The following SPAG17 variants were observed in gnomAD, a reference collection of about 807,000 sequenced individuals.
SPAG17 encodes sperm-associated antigen 17.
In SPAG17, 169 loss-of-function variants were observed where a neutral mutation model predicts 273.6. That is an observed-to-expected ratio of 0.62 (90% CI 0.55 to 0.70). SPAG17 has a LOEUF of 0.70. Among genes scored for constraint, SPAG17 ranks in the 30% least tolerant of loss-of-function variants. The pLI is 0.00. For synonymous variants in SPAG17, 825 were observed against 873.2 expected, an observed-to-expected ratio of 0.94 and a Z score of 0.97; for missense variants, 2,557 against 2,627.8, an observed-to-expected ratio of 0.97 and a Z score of 0.59.
chr1:118,029,307 T>A (rs748235436), intron 25 of SPAG17, among the ~76,000 whole-genome samples: 3 of 152,202 alleles, frequency 2.0e-5, no homozygotes, highest in African/African-American at 4.8e-5. Context: ...TATCTTGATA[T>A]TGGACTTCAC....
chr1:118,081,629 C>T lies in SPAG17; in HGVS notation c.1776G>A (p.Trp592Ter), dbSNP rs748339025. ...CCTTGAAGGCTCGTTCTACTTCATT[C>T]CAGCTCAAGACATCTGTAAGAAAGC... ...MHFCTSDVLSWNEVERAFKVF... is the reference protein window; with the variant it reads ...MHFCTSDVLS Residue 592 changes from tryptophan (W) to a stop codon, truncating the protein, a stop_gained, in exon 14 of 49, where the codon TGG (tryptophan) becomes TGA (stop). Coordinates refer to ENST00000336338, the MANE Select transcript of SPAG17 (RefSeq NM_206996.4). LOFTEE classifies it high-confidence loss of function. The T allele has an allele frequency of 1.1e-5, 18 of 1,613,746 alleles. No individual in the cohort carries two copies. Among genetic ancestry groups the T allele is most frequent in the Admixed American group, 1.7e-5 (1 of 60,004 alleles).
chr1:118,164,055 C>T (rs544330356), intron 1 of SPAG17, among the ~76,000 whole-genome samples: 1 of 152,280 alleles, frequency 6.6e-6, no homozygotes, highest in South Asian at 2.1e-4. Flanking sequence ...CCTTCTCTGA[C>T]CATCAGGCTC....
At chr1:118,146,888 A>G (rs1659027862) in intron 3 of SPAG17, among the ~76,000 whole-genome samples, 1 of 152,178 alleles carries the variant, frequency 6.6e-6, no homozygotes, top group Admixed American at 6.6e-5. Context: ...TAATATATGT[A>G]AAAGATCAAA....
chr1:117,971,709 ATGAG>A (rs1654583753), intron 45 of SPAG17, 150 bp downstream of exon 45: 3 of 533,678 alleles, frequency 5.6e-6, no homozygotes, highest in South Asian at 4.3e-5. Context: ...GAATGAATGA[ATGAG>A]TTAGTGTGTA....
At chr1:118,087,183 G>A in intron 10 of SPAG17, 175 bp from the exon 11 acceptor site, 1 of 514,344 alleles carries the variant, frequency 1.9e-6, no homozygotes, top group Non-Finnish European at 3.2e-6. Context: ...AAAAGGAAAA[G>A]TGTTCGCAAT....
chr1:118,072,434 G>A (rs1318212532), intron 17 of SPAG17, among the ~76,000 whole-genome samples: 1 of 152,142 alleles, frequency 6.6e-6, no homozygotes, highest in Non-Finnish European at 1.5e-5. Flanking sequence ...GGTAAAGGGA[G>A]GCCCAGGACC....
intron 40 of SPAG17, among the ~76,000 whole-genome samples, chr1:117,987,113 A>T (rs1055525021): frequency 1.3e-5 from 2 of 152,058 alleles, no homozygotes; most frequent in African/African-American, 4.8e-5. Context: ...GCATAAAGAC[A>T]CTCAGGTTTA....
intron 3 of SPAG17, among the ~76,000 whole-genome samples, chr1:118,139,646 ACT>A (rs1658557595): frequency 6.6e-6 from 1 of 152,088 alleles, no homozygotes; most frequent in South Asian, 2.1e-4. Context: ...AAAGAAGGAA[ACT>A]CTCATTTGTG....
intron 42 of SPAG17, among the ~76,000 whole-genome samples, chr1:117,982,022 G>C (rs1475047352): frequency 6.6e-6 from 1 of 152,172 alleles, no homozygotes; most frequent in Non-Finnish European, 1.5e-5. Context: ...TGTTTGGTTA[G>C]TGCTGACTGC....
chr1:118,031,791 C>A lies in SPAG17; in HGVS notation c.3510G>T (p.Val1170=). Residue 1170 remains valine, a synonymous_variant, in exon 25 of 49, where the codon GTG becomes GTT. Transcript: ENST00000336338. ...CTTTAGCTTTGCTTTGAGGAACGGT[C>A]ACTATAACAGGAACCACTGTTGGAG... ...ALTPTVVPVI[V]TVPQSKAKGK... 1 of 1,613,694 alleles carries A rather than the reference C, an allele frequency of 6.2e-7. No individual in the cohort carries two copies. The highest frequency in any genetic ancestry group is 1.1e-5 in the South Asian group (1 of 91,042).
At chr1:117,966,544 T>C in intron 47 of SPAG17, 65 bp downstream of exon 47, 1 of 1,387,190 alleles carries the variant, frequency 7.2e-7, no homozygotes, top group Non-Finnish European at 9.6e-7. Context: ...TTGACTTCCA[T>C]GTTTTCCTCA....
chr1:118,093,089 A>G, intron 8 of SPAG17, 67 bp downstream of exon 8: 1 of 1,509,508 alleles, frequency 6.6e-7, no homozygotes, highest in Non-Finnish European at 9.0e-7. Context: ...CATATGCCTT[A>G]TAAATATGAA....
At chr1:118,123,706 C>T (rs565688904) in intron 3 of SPAG17, among the ~76,000 whole-genome samples, 235 of 152,318 alleles carry the variant, frequency 1.5e-3, no homozygotes, top group African/African-American at 5.2e-3. Context: ...GGACCCCTTA[C>T]ATCTGTGCTG....
At chr1:118,045,814 T>G (rs567602419) in intron 20 of SPAG17, among the ~76,000 whole-genome samples, 1 of 152,238 alleles carries the variant, frequency 6.6e-6, no homozygotes, top group East Asian at 1.9e-4. Flanking sequence ...AGAATGGAAT[T>G]TAATTGTAGG....
At chr1:118,054,484 G>A (rs532777000) in intron 19 of SPAG17, among the ~76,000 whole-genome samples, 25 of 152,122 alleles carry the variant, frequency 1.6e-4, no homozygotes, top group African/African-American at 6.0e-4. Flanking sequence ...CTGTTTTGAA[G>A]ACTTATACTT....
intron 42 of SPAG17, among the ~76,000 whole-genome samples, chr1:117,981,975 C>T (rs1281554494): frequency 6.6e-6 from 1 of 152,154 alleles, no homozygotes; most frequent in African/African-American, 2.4e-5. Context: ...GAAAAGACTT[C>T]CGCAGTCTCA....
intron 48 of SPAG17, among the ~76,000 whole-genome samples, chr1:117,955,996 T>C (rs561246635): frequency 6.6e-6 from 1 of 152,328 alleles, no homozygotes; most frequent in Non-Finnish European, 1.5e-5. Flanking sequence ...AGGGTGATTA[T>C]ACTGATTTTT....
Position 118,012,374 on chromosome 1 carries a change from T to G in SPAG17, c.4288-2A>C. ...TTTGTCTTCTCGAGTTGTCATAACC[T>G]GAACATGAAGAGGCAGGACATAATC... On this transcript the variant is annotated splice_acceptor_variant, in intron 29 of 48. Transcript: ENST00000336338. LOFTEE classifies it high-confidence loss of function. 6.2e-7 allele frequency: 1 copy of G among 1,611,894 alleles called. No individual in the cohort carries two copies. The highest frequency in any genetic ancestry group is 1.1e-5 in the South Asian group (1 of 90,604).
intron 18 of SPAG17, among the ~76,000 whole-genome samples, chr1:118,060,274 T>C (rs988746609): frequency 6.6e-6 from 1 of 152,156 alleles, no homozygotes; most frequent in Non-Finnish European, 1.5e-5. Flanking sequence ...AACTTGCCTT[T>C]GATTTTACAC....
Sources: gnomAD v4.1 joint callset for allele counts (sites outside exome capture counted in the v4.1 genomes callset) on GRCh38, gnomAD v4.1.1 for gene constraint, MANE v1.5 for transcripts, NCBI Gene and HGNC (gene_info 2026-07-23, HGNC 2026-07-21) for gene names.